ZBTB40: variants seen among roughly 807,000 people sequenced by gnomAD.
ZBTB40 encodes the protein zinc finger and BTB domain-containing protein 40.
ZBTB40 carries 60 observed loss-of-function variants against 117.5 expected under a neutral mutation model. The observed-to-expected ratio is 0.51, with a 90% CI of 0.41 to 0.63. ZBTB40 has a LOEUF of 0.63. Among genes scored for constraint, ZBTB40 ranks in the 30% least tolerant of loss-of-function variants. The pLI is 0.00. For synonymous variants in ZBTB40, 525 were observed against 577.1 expected, an observed-to-expected ratio of 0.91 and a Z score of 1.29; for missense variants, 1,287 against 1,498.5, an observed-to-expected ratio of 0.86 and a Z score of 2.33.
At chr1:22,503,039 TTTTAC>T (rs1638984654) in intron 5 of ZBTB40, among the ~76,000 whole-genome samples, 2 of 152,082 alleles carry the variant, frequency 1.3e-5, no homozygotes, top group African/African-American at 4.8e-5. Flanking sequence ...TAACTTGACT[TTTTAC>T]CTAATATCTT....
At chr1:22,495,328 G>T (rs1638743719) in intron 3 of ZBTB40, among the ~76,000 whole-genome samples, 1 of 152,192 alleles carries the variant, frequency 6.6e-6, no homozygotes, top group Admixed American at 6.5e-5. Flanking sequence ...TCTCTTGGGT[G>T]CTGGGATGGG....
intron 2 of ZBTB40, 73 bp from the exon 3 acceptor site, chr1:22,491,327 A>G: frequency 6.5e-7 from 1 of 1,545,978 alleles, no homozygotes; most frequent in Non-Finnish European, 8.9e-7. Flanking sequence ...GAAGGTGCTC[A>G]GACAGCTTAA....
intron 13 of ZBTB40, among the ~76,000 whole-genome samples, chr1:22,519,280 T>G (rs1639458260): frequency 6.6e-6 from 1 of 152,266 alleles, no homozygotes; most frequent in Non-Finnish European, 1.5e-5. Flanking sequence ...ATGGCAAATG[T>G]ATTCTTCATC....
At chr1:22,510,136 G>A (rs1639191671) in intron 9 of ZBTB40, among the ~76,000 whole-genome samples, 3 of 152,220 alleles carry the variant, frequency 2.0e-5, no homozygotes, top group South Asian at 4.1e-4. Context: ...TGGGTGTCCA[G>A]CCCAGGATCA....
intron 1 of ZBTB40, among the ~76,000 whole-genome samples, chr1:22,467,823 G>A (rs1641293827): frequency 2.0e-5 from 3 of 146,388 alleles, no homozygotes; most frequent in South Asian, 4.3e-4. Context: ...GCTGGGCACA[G>A]TAGCTTATGC....
At position 22,517,544 on chromosome 1, in the gene ZBTB40, A is replaced by G. The variant is rs1382369436; in HGVS notation, c.2833+80A>G. ...CGTGTCAATTGCAGCAGAGGTGTCA[A>G]TCCATCAGACCCAAGCTCCATTCAG... is the stretch of plus-strand genomic sequence containing the variant. On this transcript the variant is annotated intron_variant, in intron 13 of 17. Transcript: ENST00000375647. 8 of 1,531,236 alleles carry G rather than the reference A, an allele frequency of 5.2e-6. No homozygotes were observed. The African/African-American group carries it at 6.8e-5, about 13-fold the overall frequency. 94.9% of individuals were successfully genotyped at this position (1,531,236 alleles called of 1,614,324 possible).
At chr1:22,443,457 A>G (rs948443850) in intron 1 of ZBTB40, among the ~76,000 whole-genome samples, 1 of 152,266 alleles carries the variant, frequency 6.6e-6, no homozygotes, top group South Asian at 2.1e-4. Flanking sequence ...CTGGTTAGCA[A>G]TTGGTTGAAA....
chr1:22,439,520 G>A (rs776852374), intron 1 of ZBTB40, among the ~76,000 whole-genome samples: 9 of 152,030 alleles, frequency 5.9e-5, no homozygotes, highest in Non-Finnish European at 7.4e-5. Flanking sequence ...TTTTGTATAC[G>A]GTGTTAAATA....
At chr1:22,436,470 C>CCATT (rs1465854097) in intron 1 of ZBTB40, among the ~76,000 whole-genome samples, 2 of 152,076 alleles carry the variant, frequency 1.3e-5, no homozygotes, top group African/African-American at 4.8e-5. Context: ...CGAGATGGTG[C>CCATT]CATTGCACTC....
chr1:22,510,669 TGA>T (rs1044521049), intron 9 of ZBTB40, among the ~76,000 whole-genome samples: 8 of 152,356 alleles, frequency 5.3e-5, no homozygotes, highest in African/African-American at 1.9e-4. Context: ...TTTAAAACGC[TGA>T]GTTTCTTTGT....
chr1:22,490,862 C>T (rs1274107748), intron 2 of ZBTB40, among the ~76,000 whole-genome samples: 3 of 152,094 alleles, frequency 2.0e-5, no homozygotes, highest in African/African-American at 7.2e-5. Flanking sequence ...GGAATAATGA[C>T]GTACCATTTC....
intron 6 of ZBTB40, among the ~76,000 whole-genome samples, chr1:22,507,080 C>T (rs911263408): frequency 6.6e-6 from 1 of 152,138 alleles, no homozygotes. Context: ...ATTATTCATG[C>T]CCTTATTTCA....
chr1:22,450,734 T>G (rs150369534), upstream of ZBTB40, among the ~76,000 whole-genome samples: 5 of 152,316 alleles, frequency 3.3e-5, no homozygotes, highest in East Asian at 9.6e-4. Flanking sequence ...ACAATGCAAG[T>G]GACAGTTCTG....
At chr1:22,512,162 G>C in intron 11 of ZBTB40, 28 bp downstream of exon 11, 1 of 1,611,416 alleles carries the variant, frequency 6.2e-7, no homozygotes. Context: ...AAGGAACAGA[G>C]GATGATAATT....
intron 16 of ZBTB40, 62 bp downstream of exon 16, chr1:22,522,525 CTTG>C: frequency 1.3e-6 from 2 of 1,531,446 alleles, no homozygotes; most frequent in Non-Finnish European, 1.8e-6. Context: ...CCCTCCACCA[CTTG>C]CAGCTTTGCA....
chr1:22,478,408 C>T (rs1047854815), intron 1 of ZBTB40, among the ~76,000 whole-genome samples: 7 of 152,070 alleles, frequency 4.6e-5, no homozygotes, highest in South Asian at 2.1e-4. Flanking sequence ...CTACCACGTC[C>T]GGCTAATTTT....
intron 14 of ZBTB40, 96 bp from the exon 15 acceptor site, chr1:22,521,400 T>G: frequency 1.3e-6 from 2 of 1,512,248 alleles, no homozygotes; most frequent in Non-Finnish European, 1.8e-6. Context: ...AACGTCAGCT[T>G]ATCCAAAAAT....
intron 7 of ZBTB40, 122 bp from the exon 8 acceptor site, chr1:22,508,408 G>A (rs1639132191): frequency 8.4e-7 from 1 of 1,196,058 alleles, no homozygotes; most frequent in Non-Finnish European, 1.2e-6. Context: ...TGAGAGGTGA[G>A]GATGTTGAAA....
Position 22,509,183 on chromosome 1 carries a change from T to C in ZBTB40, c.1783T>C (p.Tyr595His). ...ILEAIQQKIE[Y>H]KLFTSEEEHL... ...GGAGGCCATCCAACAGAAGATTGAG[T>C]ACAAGCTCTTTACCTCGGAGGAGGA... Residue 595 changes from tyrosine to histidine, a missense_variant, in exon 9 of 18, where the codon TAC becomes CAC. By Grantham distance (83) the Tyr-to-His change is moderately conservative. This residue lies in a region of ZBTB40 where 870 missense variants were observed against 934.4 expected (regional missense o/e 0.93). Coordinates refer to ENST00000375647, the MANE Select transcript of ZBTB40 (RefSeq NM_014870.4). 6.2e-7 allele frequency: 1 copy of C among 1,614,040 alleles called. No homozygotes were observed. The highest frequency in any genetic ancestry group is 8.5e-7 in the Non-Finnish European group (1 of 1,180,016).
Sources: allele counts gnomAD v4.1 joint callset (sites outside exome capture counted in the v4.1 genomes callset), GRCh38; gene constraint gnomAD v4.1.1; regional missense constraint gnomAD v4.1.1; transcripts MANE v1.5; gene names NCBI Gene and HGNC (gene_info 2026-07-23, HGNC 2026-07-21).